The following SORCS1 variants were observed in gnomAD, a reference collection of about 807,000 sequenced individuals.
The protein encoded by SORCS1 is sortilin related VPS10 domain containing receptor 1.
Under a neutral mutation model 146.1 loss-of-function variants are expected in SORCS1, and 60 were observed. The ratio of observed to expected loss-of-function variants is 0.41; its 90% CI spans 0.33 to 0.51. SORCS1 has a LOEUF of 0.51. Ranked by LOEUF, SORCS1 falls within the 20% of genes least tolerant of loss-of-function variation. SORCS1 has a pLI of 0.21. For synonymous variants in SORCS1, 637 were observed against 584.0 expected, an observed-to-expected ratio of 1.09 and a Z score of -1.31; for missense variants, 1,352 against 1,487.6, an observed-to-expected ratio of 0.91 and a Z score of 1.50.
intron 3 of SORCS1, among the ~76,000 whole-genome samples, chr10:106,798,678 A>C (rs1946715217): frequency 6.6e-6 from 1 of 152,106 alleles, no homozygotes; most frequent in Non-Finnish European, 1.5e-5. Flanking sequence ...TTCTTAATCC[A>C]GTCTATCATT....
chr10:107,042,010 C>A (rs1224805016), intron 1 of SORCS1, among the ~76,000 whole-genome samples: 1 of 152,126 alleles, frequency 6.6e-6, no homozygotes, highest in African/African-American at 2.4e-5. Flanking sequence ...ATTTCATTAA[C>A]CTTAAAATGC....
chr10:107,152,824 C>G (rs762293739), intron 1 of SORCS1, among the ~76,000 whole-genome samples: 1 of 152,168 alleles, frequency 6.6e-6, no homozygotes, highest in Non-Finnish European at 1.5e-5. Flanking sequence ...CTCACTGACA[C>G]TTTTGCCTTT....
chr10:107,115,370 G>A (rs1965956784), intron 1 of SORCS1, among the ~76,000 whole-genome samples: 1 of 152,028 alleles, frequency 6.6e-6, no homozygotes, highest in African/African-American at 2.4e-5. Flanking sequence ...ACAAAGTCAT[G>A]TGATCAAAAC....
intron 7 of SORCS1, among the ~76,000 whole-genome samples, chr10:106,707,388 G>T (rs1035868148): frequency 2.0e-5 from 3 of 151,862 alleles, no homozygotes; most frequent in Admixed American, 6.6e-5. Flanking sequence ...ATGGTGGGGG[G>T]GAGGGTTTCA....
intron 1 of SORCS1, among the ~76,000 whole-genome samples, chr10:107,077,446 G>T (rs1251227021): frequency 1.3e-5 from 2 of 151,150 alleles, no homozygotes; most frequent in Middle Eastern, 3.2e-3. Flanking sequence ...AAATGTAAAG[G>T]CATAATTTTT....
intron 2 of SORCS1, among the ~76,000 whole-genome samples, chr10:106,895,404 A>G (rs891372662): frequency 2.0e-5 from 3 of 152,198 alleles, no homozygotes; most frequent in Non-Finnish European, 4.4e-5. Flanking sequence ...TGAGGTCAGG[A>G]GTTCAAGACC....
At chr10:106,957,928 C>T (rs994278318) in intron 1 of SORCS1, among the ~76,000 whole-genome samples, 3 of 152,130 alleles carry the variant, frequency 2.0e-5, no homozygotes, top group Admixed American at 1.3e-4. Context: ...AAACAGATTC[C>T]GTCTATGAGT....
intron 2 of SORCS1, among the ~76,000 whole-genome samples, chr10:106,930,442 T>C (rs1373256967): frequency 1.3e-5 from 2 of 152,228 alleles, no homozygotes; most frequent in Non-Finnish European, 2.9e-5. Flanking sequence ...TGCTGTATAT[T>C]GAATACAAAT....
At chr10:107,127,130 A>AG (rs397820653) in intron 1 of SORCS1, among the ~76,000 whole-genome samples, 1 of 152,012 alleles carries the variant, frequency 6.6e-6, no homozygotes, top group Non-Finnish European at 1.5e-5. Context: ...ACAAAAAAAA[A>AG]TGCTCATGTT....
chr10:107,119,582 T>C (rs1966265644), intron 1 of SORCS1, among the ~76,000 whole-genome samples: 1 of 152,214 alleles, frequency 6.6e-6, no homozygotes. Context: ...GCAGTGTTGA[T>C]GAGATAATCA....
chr10:106,780,060 T>G (rs1410303916), intron 3 of SORCS1, among the ~76,000 whole-genome samples: 1 of 152,130 alleles, frequency 6.6e-6, no homozygotes, highest in Admixed American at 6.6e-5. Context: ...AATAAGCTAA[T>G]AAGTAAAAAA....
intron 1 of SORCS1, among the ~76,000 whole-genome samples, chr10:107,027,979 G>C (rs971669713): frequency 6.6e-6 from 1 of 152,102 alleles, no homozygotes; most frequent in Non-Finnish European, 1.5e-5. Flanking sequence ...TGGTGAATGA[G>C]TGAAAGAATG....
chr10:106,854,849 G>A (rs1374970945), intron 2 of SORCS1, among the ~76,000 whole-genome samples: 1 of 152,092 alleles, frequency 6.6e-6, no homozygotes. Context: ...ATATACATGA[G>A]CATACGTAAT....
intron 3 of SORCS1, among the ~76,000 whole-genome samples, chr10:106,802,750 C>T (rs187237129): frequency 1.2e-4 from 18 of 151,594 alleles, no homozygotes; most frequent in African/African-American, 4.1e-4. Flanking sequence ...TTGCCCACCT[C>T]GGCCTCCCAA....
At chr10:107,090,762 G>A (rs1195157756) in intron 1 of SORCS1, among the ~76,000 whole-genome samples, 1 of 152,150 alleles carries the variant, frequency 6.6e-6, no homozygotes, top group African/African-American at 2.4e-5. Context: ...CCCTTATTTT[G>A]ATAAGCAGAT....
chr10:106,699,992 T>C lies in SORCS1; in HGVS notation c.1234-599A>G, dbSNP rs1184412905. Among the ~76,000 whole-genome samples the C allele has an allele frequency of 2.0e-5, 3 of 152,216 alleles. No individual in the cohort carries two copies. In the South Asian group the frequency reaches 6.2e-4, roughly 32 times the overall value. ...GTTCAGCAACCCCTAGCCAGTCTCC[T>C]CTACCCTCAGCCCTAAGAAAACATT... On this transcript the variant is annotated intron_variant, in intron 8 of 25. Transcript: ENST00000263054.
chr10:107,045,444 C>T (rs1374397478), intron 1 of SORCS1, among the ~76,000 whole-genome samples: 1 of 152,130 alleles, frequency 6.6e-6, no homozygotes, highest in Admixed American at 6.5e-5. Context: ...TACTGTACAA[C>T]TGGGAGGTAT....
intron 10 of SORCS1, among the ~76,000 whole-genome samples, chr10:106,686,862 AC>A (rs1213243065): frequency 6.6e-6 from 1 of 152,152 alleles, no homozygotes; most frequent in African/African-American, 2.4e-5. Context: ...GACTGTCCAG[AC>A]TTTATGGGAT....
chr10:106,815,714 G>A (rs775223296), intron 3 of SORCS1, among the ~76,000 whole-genome samples: 1 of 152,146 alleles, frequency 6.6e-6, no homozygotes, highest in African/African-American at 2.4e-5. Context: ...CCTCATACAA[G>A]TATAATCTTC....
Sources: allele counts gnomAD v4.1 joint callset (sites outside exome capture counted in the v4.1 genomes callset), GRCh38; gene constraint gnomAD v4.1.1; transcripts MANE v1.5; gene names NCBI Gene and HGNC (gene_info 2026-07-23, HGNC 2026-07-21).